PRKAB2: variants seen among roughly 807,000 people sequenced by gnomAD.
PRKAB2 encodes the protein protein kinase AMP-activated non-catalytic subunit beta 2.
A neutral mutation model predicts 29.8 loss-of-function variants in PRKAB2; 18 were observed. The ratio of observed to expected loss-of-function variants is 0.60; its 90% CI spans 0.42 to 0.89. PRKAB2 has a LOEUF of 0.89. Among genes scored for constraint, PRKAB2 ranks in the 40% least tolerant of loss-of-function variants. The pLI is 0.00. For synonymous variants in PRKAB2, 136 were observed against 125.9 expected (o/e 1.08, Z -0.54); for missense variants, 270 against 344.3 (o/e 0.78, Z 1.71).
chr1:147,161,292 G>T (rs1341103078), intron 7 of PRKAB2, among the ~76,000 whole-genome samples: 8 of 152,114 alleles, frequency 5.3e-5, no homozygotes, highest in African/African-American at 1.4e-4. Flanking sequence ...GCAAGCACCT[G>T]AGTATATATG....
chr1:147,162,112 T>C (rs1358749290), intron 6 of PRKAB2, among the ~76,000 whole-genome samples: 3 of 152,184 alleles, frequency 2.0e-5, no homozygotes, highest in Admixed American at 1.3e-4. Flanking sequence ...GTAGATTGAA[T>C]AGAGACATGA....
intron 5 of PRKAB2, among the ~76,000 whole-genome samples, chr1:147,164,746 G>A (rs1312660459): frequency 6.6e-6 from 1 of 152,170 alleles, no homozygotes; most frequent in South Asian, 2.1e-4. Flanking sequence ...TAGATTCCTA[G>A]TAAAAAATGG....
chr1:147,171,871 T>C, intron 2 of PRKAB2, 118 bp downstream of exon 2: 1 of 1,337,114 alleles, frequency 7.5e-7, no homozygotes, highest in Non-Finnish European at 1.0e-6. Flanking sequence ...ATAAATCCCT[T>C]TAATTCAAAA....
Position 147,166,617 on chromosome 1 carries a change from G to A in PRKAB2, c.419C>T (p.Pro140Leu). 3.7e-6 allele frequency: 6 copies of A among 1,610,972 alleles called. No individual in the cohort carries two copies. Among genetic ancestry groups the A allele is most frequent in the Non-Finnish European group, 5.1e-6 (6 of 1,179,132 alleles). ...DGQWVHDPSE[P>L]VVTSQLGTIN... Reference sequence around the variant, plus strand: ...TGTGCCAAGCTGACTGGTAACCACAGGCTGAAACAGTGAATAGAAAAAATT... The same window carrying A: ...TGTGCCAAGCTGACTGGTAACCACAAGCTGAAACAGTGAATAGAAAAAATT... The change falls in exon 5 of 8, where the codon CCT becomes CTT. Residue 140 changes from proline (P) to leucine (L), a missense_variant and splice_region_variant. Coordinates refer to ENST00000254101, the MANE Select transcript of PRKAB2 (RefSeq NM_005399.5).
chr1:147,167,352 A>T (rs1654299650), intron 3 of PRKAB2, among the ~76,000 whole-genome samples: 1 of 152,228 alleles, frequency 6.6e-6, no homozygotes, highest in South Asian at 2.1e-4. Context: ...ACAAAGGGCC[A>T]TTCTGACAAC....
intron 3 of PRKAB2, 109 bp downstream of exon 3, chr1:147,167,658 T>C: frequency 7.6e-7 from 1 of 1,324,408 alleles, no homozygotes; most frequent in Non-Finnish European, 1.0e-6. Context: ...GGGCATGTTC[T>C]AGAGACAGTC....
At chr1:147,165,212 G>A (rs1654181800) in intron 5 of PRKAB2, among the ~76,000 whole-genome samples, 1 of 152,128 alleles carries the variant, frequency 6.6e-6, no homozygotes, top group African/African-American at 2.4e-5. Flanking sequence ...TTTTTTAGTA[G>A]AGATGAGGTT....
chr1:147,170,959 ATACTC>A (rs782354025), intron 2 of PRKAB2, among the ~76,000 whole-genome samples: 10 of 152,344 alleles, frequency 6.6e-5, no homozygotes, highest in South Asian at 4.1e-4. Context: ...ATGGCAAACA[ATACTC>A]TATTCACTCT....
At chr1:147,167,729 A>G (rs1654321421) in intron 3 of PRKAB2, 38 bp downstream of exon 3, 3 of 1,592,352 alleles carry the variant, frequency 1.9e-6, no homozygotes, top group Non-Finnish European at 8.5e-7. Flanking sequence ...TCAGGTCTCT[A>G]TTCCTGGACC....
chr1:147,172,152 G>C lies in PRKAB2; in HGVS notation c.-8C>G. 7.1e-6 allele frequency: 11 copies of C among 1,543,564 alleles called. No homozygotes were observed. The highest frequency in any genetic ancestry group is 1.2e-5 in the South Asian group (1 of 83,576). ...GCTGGTGGTGTTTCCCATGGCTGCA[G>C]CTCGTCGGGGACCACCTACCGCGGG... is the stretch of plus-strand genomic sequence containing the variant. On this transcript the variant is annotated 5_prime_UTR_variant, in exon 2 of 8. Transcript: ENST00000254101.
chr1:147,170,131 A>T (rs1553914160), intron 2 of PRKAB2, among the ~76,000 whole-genome samples: 2 of 152,232 alleles, frequency 1.3e-5, no homozygotes, highest in Admixed American at 6.5e-5. Flanking sequence ...TCAGAACTAC[A>T]GTTTGATGTT....
At chr1:147,163,207 T>C (rs1355261533) in intron 5 of PRKAB2, among the ~76,000 whole-genome samples, 1 of 152,096 alleles carries the variant, frequency 6.6e-6, no homozygotes, top group South Asian at 2.1e-4. Flanking sequence ...AACAAAGGAA[T>C]GGAGAAATTG....
rs993754313 is a variant in PRKAB2 at position 147,161,893 on chromosome 1, C to T, written c.673-113G>A. The T allele has an allele frequency of 7.2e-5, 57 of 789,786 alleles. 1 individual carries two copies. The highest frequency in any genetic ancestry group is 5.7e-5 in the South Asian group (3 of 52,244). 48.9% of individuals were successfully genotyped at this position (789,786 alleles called of 1,614,324 possible). A position where few individuals can be genotyped will look rare whatever the true frequency, so the allele number is the denominator to read the frequency against. On this transcript the variant is annotated intron_variant, in intron 6 of 7. Coordinates refer to ENST00000254101, the MANE Select transcript of PRKAB2 (RefSeq NM_005399.5). ...TCTTTGAGAAATTTAAACTAGAATG[C>T]GCTATCTCTTTTCAATAATGCACCC...
chr1:147,157,028 C>T lies in PRKAB2; in HGVS notation c.*2537G>A, dbSNP rs1220146041. 1 of 152,094 alleles carries T rather than the reference C, an allele frequency of 6.6e-6. No homozygotes were observed. Among genetic ancestry groups the T allele is most frequent in the Non-Finnish European group, 1.5e-5 (1 of 68,006 alleles). 9.4% of individuals were successfully genotyped at this position (152,094 alleles called of 1,614,324 possible). A position where few individuals can be genotyped will look rare whatever the true frequency, so the allele number is the denominator to read the frequency against. On this transcript the variant is annotated 3_prime_UTR_variant, in exon 8 of 8. Coordinates refer to ENST00000254101, the MANE Select transcript of PRKAB2 (RefSeq NM_005399.5). ...CCTGAAGAACTATTTTCTTATTCTG[C>T]CTACTTTGACTCTGTAAAATTCCCA...
intron 5 of PRKAB2, among the ~76,000 whole-genome samples, 181 bp downstream of exon 5, chr1:147,166,317 T>C (rs1443540820): frequency 1.3e-5 from 2 of 152,166 alleles, no homozygotes; most frequent in Non-Finnish European, 2.9e-5. Context: ...AATGTGTGTG[T>C]TTGTGTTTGC....
Position 147,167,919 on chromosome 1 carries a change from T to C in PRKAB2, c.171A>G (p.Lys57=). ...AATCCTGCTGCCATGATACAAACTC[T>C]TTGTCCCCAGGGAGCTGTAAGAAGG... is the stretch of plus-strand genomic sequence containing the variant. ...SLPDSKLPGD[K]EFVSWQQDLE... The change falls in exon 3 of 8, where the codon AAA becomes AAG. Residue 57 remains lysine (K), a synonymous_variant. Coordinates refer to ENST00000254101, the MANE Select transcript of PRKAB2 (RefSeq NM_005399.5). 6.2e-7 allele frequency: 1 copy of C among 1,612,596 alleles called. No homozygotes were observed. Among genetic ancestry groups the C allele is most frequent in the Non-Finnish European group, 8.5e-7 (1 of 1,179,418 alleles).
chr1:147,172,396 G>A (rs1169355741), intron 1 of PRKAB2, 33 bp downstream of exon 1: 3 of 555,026 alleles, frequency 5.4e-6, no homozygotes, highest in Non-Finnish European at 9.3e-6. Context: ...GCGTCCCCGC[G>A]CTCACTGCCA....
At chr1:147,171,940 A>G in intron 2 of PRKAB2, 49 bp downstream of exon 2, 1 of 1,570,232 alleles carries the variant, frequency 6.4e-7, no homozygotes, top group African/African-American at 1.4e-5. Context: ...GGAGCCCAGA[A>G]ATCAACCCGC....
rs1341715440 is a variant in PRKAB2, at chr1:147,162,520, A to G, written c.592T>C (p.Ser198Pro). 1 of 1,612,042 alleles carries G rather than the reference A, an allele frequency of 6.2e-7. No homozygotes were observed. The highest frequency in any genetic ancestry group is 1.3e-5 in the African/African-American group (1 of 74,848). ...GGTGGGGATTTGAATCTTTCCTCAG[A>G]TCGAAACGCATACATTTCTTGACCA... ...PYGQEMYAFR[S>P]EERFKSPPIL... is the part of the protein sequence containing the mutation. The change falls in exon 6 of 8, where the codon TCT (serine) becomes CCT (proline). Residue 198 changes from serine (S) to proline (P), a missense_variant. By Grantham distance (74) the Ser-to-Pro change is moderately conservative (BLOSUM62 -1). This residue lies in a region of PRKAB2 where 228 missense variants were observed against 255.5 expected (regional missense o/e 0.89). Transcript: ENST00000254101.
Sources: allele counts gnomAD v4.1 joint callset (sites outside exome capture counted in the v4.1 genomes callset), GRCh38; gene constraint gnomAD v4.1.1; regional missense constraint gnomAD v4.1.1; transcripts MANE v1.5; gene names NCBI Gene and HGNC (gene_info 2026-07-23, HGNC 2026-07-21).